The following CCDC171 variants were observed in gnomAD, a reference collection of about 807,000 sequenced individuals.
CCDC171 encodes coiled-coil domain containing 171.
CCDC171 carries 177 observed loss-of-function variants against 168.2 expected under a neutral mutation model. That is an observed-to-expected ratio of 1.05 (90% CI 0.93 to 1.19). The LOEUF is 1.19. CCDC171 is among the 50% of genes most tolerant of loss of function. CCDC171 has a pLI of 0.00. For missense variants in CCDC171, 1,991 were observed against 1,539.0 expected (o/e 1.29, Z -4.91); for synonymous variants, 687 against 540.8 (o/e 1.27, Z -3.75).
the CCDC171 span, among the ~76,000 whole-genome samples, chr9:16,108,799 A>G: frequency 6.6e-6 from 1 of 152,224 alleles, no homozygotes; most frequent in Non-Finnish European, 1.5e-5. Context: ...ACCTTCTGCC[A>G]TGAGCAAAAG....
At chr9:15,804,462 C>CTT (rs34512340) in intron 21 of CCDC171, among the ~76,000 whole-genome samples, 10,033 of 147,836 alleles carry the variant, frequency 0.068, 460 homozygotes, top group South Asian at 0.22. Context: ...TATCGAAGGC[C>CTT]TTTTTTTTTT....
chr9:15,716,968 A>G (rs1445897743), intron 11 of CCDC171, among the ~76,000 whole-genome samples: 3 of 152,186 alleles, frequency 2.0e-5, no homozygotes, highest in Non-Finnish European at 4.4e-5. Context: ...CATCACCCCC[A>G]CAGGAATACC....
intron 1 of CCDC171, among the ~76,000 whole-genome samples, chr9:15,559,606 T>A (rs2039105360): frequency 1.3e-5 from 2 of 152,188 alleles, no homozygotes; most frequent in African/African-American, 4.8e-5. Context: ...TCCGTCCCTT[T>A]ATTTTAAGCC....
At chr9:15,569,551 C>T (rs530474984) in intron 2 of CCDC171, among the ~76,000 whole-genome samples, 58 of 152,018 alleles carry the variant, frequency 3.8e-4, no homozygotes, top group African/African-American at 1.3e-3. Flanking sequence ...CGCGGTGGCT[C>T]GCGCCTGTAA....
At chr9:15,871,371 A>G (rs1380367828) in intron 23 of CCDC171, among the ~76,000 whole-genome samples, 1 of 151,844 alleles carries the variant, frequency 6.6e-6, no homozygotes, top group Non-Finnish European at 1.5e-5. Flanking sequence ...ATAATTAAAG[A>G]TTGGCTTTTG....
chr9:15,801,229 T>A (rs1249658559), intron 21 of CCDC171, among the ~76,000 whole-genome samples: 1 of 152,134 alleles, frequency 6.6e-6, no homozygotes, highest in African/African-American at 2.4e-5. Flanking sequence ...CAATATTGAT[T>A]CTTTCAATCC....
At chr9:16,031,488 G>A (rs949308476) in intron 6 of CCDC171, among the ~76,000 whole-genome samples, 10 of 152,222 alleles carry the variant, frequency 6.6e-5, no homozygotes, top group Admixed American at 3.9e-4. Context: ...GAGTCACAGT[G>A]TTTACTGTGA....
intron 7 of CCDC171, among the ~76,000 whole-genome samples, chr9:15,646,767 T>G (rs572482082): frequency 6.6e-6 from 1 of 152,236 alleles, no homozygotes; most frequent in South Asian, 2.1e-4. Context: ...CTTAGAGACC[T>G]ACAAAAAGAC....
intron 10 of CCDC171, among the ~76,000 whole-genome samples, chr9:15,682,152 G>A (rs2050083126): frequency 6.6e-6 from 1 of 152,014 alleles, no homozygotes; most frequent in South Asian, 2.1e-4. Context: ...AGATCAAGGT[G>A]TTATTAATAA....
intron 11 of CCDC171, among the ~76,000 whole-genome samples, chr9:15,699,295 G>A (rs1348095120): frequency 1.3e-5 from 2 of 152,152 alleles, no homozygotes; most frequent in Admixed American, 1.3e-4. Context: ...TGGCTCAGGA[G>A]TGAAGCTGCA....
At chr9:16,048,238 G>A (rs1390351822) in intron 1 of CCDC171, among the ~76,000 whole-genome samples, 1 of 152,228 alleles carries the variant, frequency 6.6e-6, no homozygotes, top group Non-Finnish European at 1.5e-5. Flanking sequence ...CATTCTCCCT[G>A]ATGGCTGAAC....
chr9:15,982,197 A>T (rs1831818936), intron 3 of CCDC171, among the ~76,000 whole-genome samples: 2 of 149,408 alleles, frequency 1.3e-5, no homozygotes, highest in Admixed American at 1.3e-4. Flanking sequence ...CATAGCACAG[A>T]CATAGCCTTC....
intron 24 of CCDC171, among the ~76,000 whole-genome samples, chr9:15,916,731 C>A (rs1824577570): frequency 6.6e-6 from 1 of 152,000 alleles, no homozygotes; most frequent in Non-Finnish European, 1.5e-5. Context: ...AATGCACGTA[C>A]ACTTTTAAAA....
At chr9:15,943,718 A>C (rs1564037392) in intron 25 of CCDC171, among the ~76,000 whole-genome samples, 1 of 151,996 alleles carries the variant, frequency 6.6e-6, no homozygotes, top group Non-Finnish European at 1.5e-5. Flanking sequence ...CCCATCTTTT[A>C]TGCAGGCAAG....
intron 3 of CCDC171, among the ~76,000 whole-genome samples, chr9:16,007,992 T>C (rs1419397473): frequency 1.3e-5 from 2 of 152,222 alleles, no homozygotes; most frequent in Admixed American, 6.5e-5. Context: ...GACCCTTATA[T>C]ATATGATTTG....
At chr9:15,617,194 T>G (rs2044145438) in intron 6 of CCDC171, among the ~76,000 whole-genome samples, 1 of 152,180 alleles carries the variant, frequency 6.6e-6, no homozygotes, top group Non-Finnish European at 1.5e-5. Flanking sequence ...TGCCAATTGC[T>G]CAATCTCATT....
chr9:15,596,467 T>A (rs1365040064), intron 6 of CCDC171, among the ~76,000 whole-genome samples: 3 of 152,298 alleles, frequency 2.0e-5, no homozygotes, highest in East Asian at 3.9e-4. Flanking sequence ...ATGTGTGCTA[T>A]TATTTCTGAG....
At chr9:15,593,867 T>G (rs1486645994) in intron 5 of CCDC171, among the ~76,000 whole-genome samples, 174 bp from the exon 6 acceptor site, 1 of 151,838 alleles carries the variant, frequency 6.6e-6, no homozygotes, top group Non-Finnish European at 1.5e-5. Context: ...AAACATAGTT[T>G]CTCAGATCTA....
chr9:15,878,578 C>T (rs1000031473), intron 24 of CCDC171, among the ~76,000 whole-genome samples: 2 of 152,110 alleles, frequency 1.3e-5, no homozygotes, highest in African/African-American at 2.4e-5. Flanking sequence ...GGCAATTCCT[C>T]AAAAAGCTGA....
Sources: allele counts gnomAD v4.1 joint callset (sites outside exome capture counted in the v4.1 genomes callset), GRCh38; gene constraint gnomAD v4.1.1; transcripts MANE v1.5; gene names NCBI Gene and HGNC (gene_info 2026-07-23, HGNC 2026-07-21).